ANK3: variants seen among roughly 807,000 people sequenced by gnomAD.
The protein encoded by ANK3 is ankyrin-3.
Under a neutral mutation model 370.9 loss-of-function variants are expected in ANK3, and 57 were observed. The ratio of observed to expected loss-of-function variants is 0.15; its 90% CI spans 0.12 to 0.19. The LOEUF (loss-of-function observed/expected upper bound fraction) is 0.19, where lower values mean the gene tolerates loss of function less well. Ranked by LOEUF, ANK3 falls within the 10% of genes least tolerant of loss-of-function variation. The pLI is 1.00. For synonymous variants in ANK3, 1,929 were observed against 1,946.3 expected (o/e 0.99, Z 0.23); for missense variants, 4,439 against 5,302.1 (o/e 0.84, Z 5.06).
intron 43 of ANK3, among the ~76,000 whole-genome samples, chr10:60,035,737 C>T (rs1420698706): frequency 6.6e-6 from 1 of 151,334 alleles, no homozygotes; most frequent in African/African-American, 2.4e-5. Context: ...CACCTATAAT[C>T]CCAGCACTTT....
At chr10:60,215,039 T>G (rs548715899) in intron 8 of ANK3, among the ~76,000 whole-genome samples, 1 of 152,324 alleles carries the variant, frequency 6.6e-6, no homozygotes, top group East Asian at 1.9e-4. Flanking sequence ...TCCTGACATT[T>G]TAATAATTGC....
chr10:60,570,297 T>C (rs572591311), intron 2 of ANK3, among the ~76,000 whole-genome samples: 11 of 152,240 alleles, frequency 7.2e-5, no homozygotes, highest in Admixed American at 7.2e-4. Context: ...ATCTGATAGC[T>C]TGAAAAAGAA....
chr10:60,705,095 ATAT>A (rs1321182252), intron 1 of ANK3, among the ~76,000 whole-genome samples: 3 of 152,188 alleles, frequency 2.0e-5, no homozygotes, highest in African/African-American at 4.8e-5. Context: ...TATTTGACAG[ATAT>A]TATCTCTAAT....
At chr10:60,310,063 G>C (rs1047184715) in intron 1 of ANK3, among the ~76,000 whole-genome samples, 1 of 151,708 alleles carries the variant, frequency 6.6e-6, no homozygotes, top group Non-Finnish European at 1.5e-5. Flanking sequence ...ATGGCTAGGA[G>C]TACAGTTATG....
intron 35 of ANK3, chr10:60,081,447 G>A (rs932635851): frequency 1.7e-5 from 7 of 414,222 alleles, no homozygotes; most frequent in Non-Finnish European, 3.3e-5. Context: ...TATTACTATT[G>A]ATGTGTGGGA....
At chr10:60,333,571 C>T (rs1336782187) in intron 1 of ANK3, among the ~76,000 whole-genome samples, 1 of 152,092 alleles carries the variant, frequency 6.6e-6, no homozygotes, top group Non-Finnish European at 1.5e-5. Context: ...TGGGTTGGTT[C>T]CAAGTCTTTG....
intron 8 of ANK3, among the ~76,000 whole-genome samples, chr10:60,219,533 G>A (rs1486948925): frequency 1.3e-5 from 2 of 152,092 alleles, no homozygotes; most frequent in Non-Finnish European, 2.9e-5. Flanking sequence ...TTAGTACTAG[G>A]GCAGAAGGAA....
intron 1 of ANK3, among the ~76,000 whole-genome samples, chr10:60,340,451 C>T (rs1368438655): frequency 6.6e-6 from 1 of 152,084 alleles, no homozygotes; most frequent in African/African-American, 2.4e-5. Flanking sequence ...CACTCTGTTG[C>T]CCAGGCTGGA....
At chr10:60,652,936 C>A (rs1445890406) in intron 1 of ANK3, among the ~76,000 whole-genome samples, 1 of 152,144 alleles carries the variant, frequency 6.6e-6, no homozygotes, top group East Asian at 1.9e-4. Flanking sequence ...CCAAACACCA[C>A]TCACGATGGT....
intron 25 of ANK3, among the ~76,000 whole-genome samples, chr10:60,128,237 T>C (rs941576338): frequency 6.6e-6 from 1 of 152,170 alleles, no homozygotes; most frequent in Non-Finnish European, 1.5e-5. Context: ...AGGGCCTTTT[T>C]CTTGCACTGA....
At position 60,055,665 on chromosome 10, in the gene ANK3, T is replaced by C; in HGVS notation, c.13058A>G (p.Glu4353Gly). 6.2e-7 allele frequency: 1 copy of C among 1,607,646 alleles called. No individual in the cohort carries two copies. The highest frequency in any genetic ancestry group is 2.2e-5 in the East Asian group (1 of 44,844). Residue 4353 changes from glutamate (E) to glycine (G), a missense_variant, in exon 42 of 44, where the codon GAG becomes GGG. Coordinates refer to ENST00000280772, the MANE Select transcript of ANK3 (RefSeq NM_020987.5). ...GATGACCAGATGACGTACCTTTTGC[T>C]CAGACCCACTGGACCCCTCTTCTTC... ...LHEEEGSSGS[E>G]QKQGEGFKVK...
At chr10:60,216,696 T>C (rs942237861) in intron 8 of ANK3, among the ~76,000 whole-genome samples, 3 of 152,232 alleles carry the variant, frequency 2.0e-5, no homozygotes, top group African/African-American at 7.2e-5. Context: ...TTCTCATCGA[T>C]GTTCATCAGG....
At chr10:60,521,769 G>A (rs2076353012) in intron 2 of ANK3, among the ~76,000 whole-genome samples, 1 of 151,994 alleles carries the variant, frequency 6.6e-6, no homozygotes, top group South Asian at 2.1e-4. Flanking sequence ...GTTGTGAAAA[G>A]GGTTGCCTTA....
intron 23 of ANK3, among the ~76,000 whole-genome samples, chr10:60,148,812 G>T (rs866055690): frequency 6.6e-6 from 1 of 152,188 alleles, no homozygotes; most frequent in Non-Finnish European, 1.5e-5. Flanking sequence ...CAAAAATGTT[G>T]GTTCTCACTT....
At chr10:60,732,598 A>T (rs2080039341) in intron 1 of ANK3, among the ~76,000 whole-genome samples, 2 of 152,172 alleles carry the variant, frequency 1.3e-5, no homozygotes, top group South Asian at 4.1e-4. Context: ...CTGCCACGAT[A>T]GCCACCCTGC....
At chr10:60,706,368 C>T (rs1444690342) in intron 1 of ANK3, among the ~76,000 whole-genome samples, 1 of 152,146 alleles carries the variant, frequency 6.6e-6, no homozygotes, top group Non-Finnish European at 1.5e-5. Context: ...CCAAGGTAAC[C>T]TCCCTCCCAG....
chr10:60,675,795 A>G (rs1027976899), intron 1 of ANK3, among the ~76,000 whole-genome samples: 8 of 152,218 alleles, frequency 5.3e-5, no homozygotes, highest in African/African-American at 1.9e-4. Context: ...CAGATTTCAA[A>G]TGGACTCCAG....
At chr10:60,698,592 G>T (rs996515567) in intron 1 of ANK3, among the ~76,000 whole-genome samples, 11 of 149,578 alleles carry the variant, frequency 7.4e-5, no homozygotes, top group African/African-American at 2.5e-4. Context: ...ATGAGTTCAT[G>T]TCCTTTGTAC....
chr10:60,198,180 C>A (rs1283423401), intron 14 of ANK3, among the ~76,000 whole-genome samples, 160 bp downstream of exon 14: 1 of 152,186 alleles, frequency 6.6e-6, no homozygotes, highest in Non-Finnish European at 1.5e-5. Flanking sequence ...CTACCAGTTA[C>A]CCTCTCCCAC....
Sources: gnomAD v4.1 joint callset for allele counts (sites outside exome capture counted in the v4.1 genomes callset) on GRCh38, gnomAD v4.1.1 for gene constraint, MANE v1.5 for transcripts, NCBI Gene and HGNC (gene_info 2026-07-23, HGNC 2026-07-21) for gene names.